Variants in ARHGAP39 observed in about 807,000 individuals in gnomAD.
The protein encoded by ARHGAP39 is rho GTPase-activating protein 39.
Under a neutral mutation model 106.9 loss-of-function variants are expected in ARHGAP39, and 44 were observed. The observed-to-expected ratio is 0.41, with a 90% CI of 0.32 to 0.53. ARHGAP39 has a LOEUF of 0.53. ARHGAP39 is among the 20% of genes least tolerant of loss of function. The probability of loss-of-function intolerance (pLI) is 0.21; values close to 1 mark genes in which losing one functional copy is unlikely to be tolerated. For missense variants in ARHGAP39, 1,496 were observed against 1,577.3 expected (o/e 0.95, Z 0.87); for synonymous variants, 768 against 693.2 (o/e 1.11, Z -1.69).
chr8:144,698,891 G>C, the ARHGAP39 span: 7 of 455,922 alleles, frequency 1.5e-5, no homozygotes, highest in East Asian at 7.0e-5. Flanking sequence ...CCTCCCTTGG[G>C]GGGGTTGGGG....
At position 144,684,898 on chromosome 8, in the gene ARHGAP39, C is replaced by A. The variant is rs1271449307; in HGVS notation, c.-82+788G>T. On this transcript the variant is annotated intron_variant, in intron 1 of 11. Transcript: ENST00000377307. The surrounding 1 kb of genome is among the most constrained non-coding windows in gnomAD (Gnocchi z 4.4). ...TGGAGACGCCCATGTCCGCTCCCTG[C>A]GCCCCGGGGACAAAGCCCGAGGCTG... Among the ~76,000 whole-genome samples the A allele has an allele frequency of 6.6e-6, 1 of 152,220 alleles. No homozygotes were observed. Among genetic ancestry groups the A allele is most frequent in the Non-Finnish European group, 1.5e-5 (1 of 68,036 alleles).
chr8:144,540,241 A>G (rs1416499969), intron 6 of ARHGAP39, among the ~76,000 whole-genome samples: 1 of 152,192 alleles, frequency 6.6e-6, no homozygotes, highest in African/African-American at 2.4e-5. Context: ...CTCCAAAAAA[A>G]TTACATTAGC....
At position 144,684,742 on chromosome 8, in the gene ARHGAP39, G is replaced by A. The variant is rs1229221116; in HGVS notation, c.-82+944C>T. 6.6e-6 allele frequency among the ~76,000 whole-genome samples: 1 copy of A among 152,184 alleles called. No individual in the cohort carries two copies. Among genetic ancestry groups the A allele is most frequent in the Admixed American group, 6.5e-5 (1 of 15,280 alleles). ...GCACTCCAGCAACTGGGAAGCAACCGGGAAGCAACCGAGGGAATTCCAGCT... is the reference window on the plus strand; with the variant it reads ...GCACTCCAGCAACTGGGAAGCAACCAGGAAGCAACCGAGGGAATTCCAGCT... On this transcript the variant is annotated intron_variant, in intron 1 of 11. Coordinates refer to ENST00000377307, the MANE Select transcript of ARHGAP39 (RefSeq NM_025251.3). This position sits in a 1 kb window ranked among gnomAD's most constrained non-coding sequence, Gnocchi z 4.4.
intron 1 of ARHGAP39, among the ~76,000 whole-genome samples, chr8:144,657,469 T>C (rs757112428): frequency 6.6e-6 from 1 of 152,052 alleles, no homozygotes; most frequent in Non-Finnish European, 1.5e-5. Context: ...GGAAGATGCA[T>C]TTCTCAACTC....
intron 3 of ARHGAP39, among the ~76,000 whole-genome samples, chr8:144,575,766 G>A (rs1308951346): frequency 1.3e-5 from 2 of 152,150 alleles, no homozygotes; most frequent in African/African-American, 4.8e-5. Context: ...TCATGGTCAA[G>A]CACTATGCAC....
At chr8:144,533,388 G>C (rs552343769) in intron 8 of ARHGAP39, 63 bp from the exon 9 acceptor site, 1 of 1,530,382 alleles carries the variant, frequency 6.5e-7, no homozygotes, top group Non-Finnish European at 8.9e-7. Flanking sequence ...CCGCCACCCC[G>C]GTTGTCTTCT....
Position 144,547,724 on chromosome 8 carries a change from A to C in ARHGAP39, c.1362T>G (p.Pro454=). The change falls in exon 5 of 12, where the codon CCT becomes CCG. Residue 454 remains proline, a synonymous_variant. Coordinates refer to ENST00000377307, the MANE Select transcript of ARHGAP39 (RefSeq NM_025251.3). The surrounding 1 kb of genome is among the most constrained non-coding windows in gnomAD (Gnocchi z 5.2). ...TGGGCGGCTGGCTGTGCCGCAGCTC[A>C]GGTCCCTCCATGGTGCTGTAGTCTC... ...KSGDYSTMEG[P]ELRHSQPPTP... 6.3e-7 allele frequency: 1 copy of C among 1,595,006 alleles called. No individual in the cohort carries two copies.
intron 1 of ARHGAP39, among the ~76,000 whole-genome samples, chr8:144,653,891 G>A (rs1016594183): frequency 3.9e-5 from 6 of 152,330 alleles, no homozygotes; most frequent in African/African-American, 1.4e-4. Flanking sequence ...GAAAGAACTG[G>A]CGCCGAAAAG....
chr8:144,549,290 G>A (rs576911732), intron 4 of ARHGAP39, among the ~76,000 whole-genome samples: 5 of 152,392 alleles, frequency 3.3e-5, no homozygotes, highest in Admixed American at 3.3e-4. Context: ...GCTGGACCCA[G>A]GACGCTGCCA....
rs369654406 is a variant in ARHGAP39 at position 144,547,304 on chromosome 8, G to A, written c.1782C>T (p.Pro594=). 1.2e-6 allele frequency: 2 copies of A among 1,611,512 alleles called. No individual in the cohort carries two copies. Among genetic ancestry groups the A allele is most frequent in the East Asian group, 2.2e-5 (1 of 44,874 alleles). The stretch of plus-strand genomic sequence containing the variant: ...AGGCCCGCACCACCGGCCCGGGCAT[G>A]GGCAGTGGCAGGGCGCCGTCGCTCT... ...GYESDGALPL[P]MPGPVVRAFS... The change falls in exon 5 of 12, where the codon CCC becomes CCT. Residue 594 remains proline (P), a synonymous_variant. Coordinates refer to ENST00000377307, the MANE Select transcript of ARHGAP39 (RefSeq NM_025251.3). This position sits in a 1 kb window ranked among gnomAD's most constrained non-coding sequence, Gnocchi z 5.2.
the ARHGAP39 span, among the ~76,000 whole-genome samples, chr8:144,692,412 T>A: frequency 6.6e-6 from 1 of 152,214 alleles, no homozygotes; most frequent in East Asian, 1.9e-4. Context: ...CCCACAATCA[T>A]CTGGTCCAGT....
At chr8:144,622,745 C>A (rs576655527) in intron 1 of ARHGAP39, among the ~76,000 whole-genome samples, 2 of 152,334 alleles carry the variant, frequency 1.3e-5, no homozygotes, top group South Asian at 2.1e-4. Context: ...ACGTTCAGAA[C>A]CTTAGAGAAC....
intron 6 of ARHGAP39, among the ~76,000 whole-genome samples, chr8:144,541,563 T>C (rs1272121358): frequency 2.0e-5 from 3 of 152,162 alleles, no homozygotes; most frequent in Non-Finnish European, 4.4e-5. Context: ...ACCATTCTAG[T>C]TTCTGTCTCT....
chr8:144,592,078 A>AT (rs1220297269), intron 2 of ARHGAP39, among the ~76,000 whole-genome samples: 1 of 152,226 alleles, frequency 6.6e-6, no homozygotes, highest in Non-Finnish European at 1.5e-5. Context: ...AAAAGAAGTA[A>AT]TACCAATTGT....
At chr8:144,621,841 G>A (rs186030849) in intron 1 of ARHGAP39, among the ~76,000 whole-genome samples, 17 of 152,228 alleles carry the variant, frequency 1.1e-4, no homozygotes, top group Non-Finnish European at 2.4e-4. Context: ...TAAAACAAAA[G>A]CTCATGCTCA....
At position 144,587,834 on chromosome 8, in the gene ARHGAP39, G is replaced by T. The variant is rs36098487; in HGVS notation, c.81-6557C>A. 8.7e-3 allele frequency among the ~76,000 whole-genome samples: 1,327 copies of T among 152,262 alleles called. 9 individuals are homozygous for T. The highest frequency in any genetic ancestry group is 0.014 in the Non-Finnish European group (930 of 68,028). ...CACGCCTGGCTAACTCTTGTTTTTA[G>T]TAGAGATGGGGTTTCACCACATTGG... On this transcript the variant is annotated intron_variant, in intron 2 of 11. Transcript: ENST00000377307.
chr8:144,606,161 G>T (rs1339474293), intron 1 of ARHGAP39, among the ~76,000 whole-genome samples: 1 of 152,242 alleles, frequency 6.6e-6, no homozygotes, highest in Non-Finnish European at 1.5e-5. Context: ...AAGGACACGG[G>T]GCCACACGTG....
intron 3 of ARHGAP39, among the ~76,000 whole-genome samples, chr8:144,574,396 T>C (rs143920731): frequency 0.02 from 3,006 of 150,712 alleles, 92 homozygotes; most frequent in African/African-American, 0.07. Context: ...TTAGGCTGGG[T>C]GTGGTGGCTC....
intron 2 of ARHGAP39, among the ~76,000 whole-genome samples, chr8:144,599,320 A>G (rs1366122429): frequency 1.3e-5 from 2 of 152,262 alleles, no homozygotes; most frequent in African/African-American, 2.4e-5. Flanking sequence ...AAGCTTTGAA[A>G]AAGGACGACA....
Sources: allele counts gnomAD v4.1 joint callset (sites outside exome capture counted in the v4.1 genomes callset), GRCh38; gene constraint gnomAD v4.1.1; non-coding constraint Gnocchi (gnomAD v3.1); transcripts MANE v1.5; gene names NCBI Gene and HGNC (gene_info 2026-07-23, HGNC 2026-07-21).